WDR25: variants seen among roughly 807,000 people sequenced by gnomAD.
WDR25 encodes WD repeat-containing protein 25.
In WDR25, 35 loss-of-function variants were observed where a neutral mutation model predicts 47.7. That is an observed-to-expected ratio of 0.73 (90% confidence interval 0.56 to 0.97). WDR25 has a LOEUF of 0.97. Ranked by LOEUF, WDR25 falls within the 50% of genes least tolerant of loss-of-function variation. WDR25 has a pLI of 0.00. For missense variants in WDR25, 634 were observed against 704.7 expected (o/e 0.90, Z 1.14); for synonymous variants, 248 against 278.9 (o/e 0.89, Z 1.10).
At chr14:100,517,321 C>A (rs575640109) in intron 4 of WDR25, among the ~76,000 whole-genome samples, 1 of 151,970 alleles carries the variant, frequency 6.6e-6, no homozygotes, top group South Asian at 2.1e-4. Context: ...TCATGATCCA[C>A]CCGCCTCGGC....
rs916034093 is a variant in WDR25, at chr14:100,394,945, AC to A, written c.822+13200del. On this transcript the variant is annotated intron_variant, in intron 2 of 6. Transcript: ENST00000402312. ...GGCCACAGTGAGCCATGATTGTGCC[AC>A]TGCACTCAAGCCTGTATCTCAAAAA... 1.4e-4 allele frequency among the ~76,000 whole-genome samples: 22 copies of A among 152,210 alleles called. 1 individual carries two copies. Among genetic ancestry groups the A allele is most frequent in the Non-Finnish European group, 2.9e-4 (20 of 68,002 alleles).
At chr14:100,514,028 C>T (rs1219427081) in intron 4 of WDR25, among the ~76,000 whole-genome samples, 2 of 151,532 alleles carry the variant, frequency 1.3e-5, no homozygotes, top group Admixed American at 6.6e-5. Flanking sequence ...CTCCGCCTCC[C>T]GGGTTCACGC....
At chr14:100,511,878 T>A (rs192054603) in intron 4 of WDR25, among the ~76,000 whole-genome samples, 3 of 152,350 alleles carry the variant, frequency 2.0e-5, no homozygotes, top group Admixed American at 6.5e-5. Context: ...GTGGTTTTTT[T>A]ATTCTGTTAA....
intron 2 of WDR25, among the ~76,000 whole-genome samples, chr14:100,466,129 T>C (rs1170606437): frequency 6.6e-6 from 1 of 152,240 alleles, no homozygotes; most frequent in Non-Finnish European, 1.5e-5. Flanking sequence ...TATTCCACTT[T>C]GAAGTCTTCT....
chr14:100,490,311 G>T (rs929822770), intron 4 of WDR25, among the ~76,000 whole-genome samples: 1 of 152,250 alleles, frequency 6.6e-6, no homozygotes. Context: ...CAGGAAGGGC[G>T]CAAACTGTCG....
chr14:100,475,370 A>G (rs1899983208), intron 3 of WDR25, among the ~76,000 whole-genome samples: 1 of 152,328 alleles, frequency 6.6e-6, no homozygotes, highest in Non-Finnish European at 1.5e-5. Context: ...AAGATATGGA[A>G]GCCACCTCGG....
intron 2 of WDR25, among the ~76,000 whole-genome samples, chr14:100,419,780 G>A (rs979714022): frequency 6.6e-6 from 1 of 152,206 alleles, no homozygotes; most frequent in Non-Finnish European, 1.5e-5. Flanking sequence ...ATAGGATGAT[G>A]TTGTGAACAC....
intron 4 of WDR25, among the ~76,000 whole-genome samples, chr14:100,491,143 AC>A (rs1900549114): frequency 6.6e-6 from 1 of 152,174 alleles, no homozygotes; most frequent in Admixed American, 6.5e-5. Flanking sequence ...CACGCTGTGC[AC>A]GCTGTGTGCG....
intron 2 of WDR25, among the ~76,000 whole-genome samples, chr14:100,403,980 T>G (rs1206007015): frequency 1.3e-5 from 2 of 152,232 alleles, no homozygotes; most frequent in Non-Finnish European, 2.9e-5. Context: ...GCCTGCCTGA[T>G]GAAGTGCCTT....
chr14:100,416,183 G>A (rs374323238), intron 2 of WDR25, among the ~76,000 whole-genome samples: 14 of 152,220 alleles, frequency 9.2e-5, no homozygotes, highest in South Asian at 2.1e-4. Flanking sequence ...CTCATTCCTC[G>A]CTGCCGTTTG....
rs151193565 is a variant in WDR25 at position 100,427,366 on chromosome 14, G to A, written c.823-40655G>A. 5.6e-3 allele frequency among the ~76,000 whole-genome samples: 852 copies of A among 152,244 alleles called. 4 individuals are homozygous for A. Among genetic ancestry groups the A allele is most frequent in the Admixed American group, 0.011 (172 of 15,296 alleles). On this transcript the variant is annotated intron_variant, in intron 2 of 6. Transcript: ENST00000402312. Reference sequence around the variant, plus strand: ...AGCACTTATCTGTCCCGCTCCAAATGTATCCCGTTCACCATGGGGCAGGGG... The same window carrying A: ...AGCACTTATCTGTCCCGCTCCAAATATATCCCGTTCACCATGGGGCAGGGG...
chr14:100,433,523 A>T (rs1054599318), intron 2 of WDR25, among the ~76,000 whole-genome samples: 1 of 152,222 alleles, frequency 6.6e-6, no homozygotes, highest in South Asian at 2.1e-4. Flanking sequence ...GCACTTTGAG[A>T]CAACATAAGT....
At chr14:100,476,107 T>C (rs1178657258) in intron 3 of WDR25, among the ~76,000 whole-genome samples, 2 of 152,210 alleles carry the variant, frequency 1.3e-5, no homozygotes, top group Non-Finnish European at 2.9e-5. Context: ...CTACATACAT[T>C]ATTGCTAATT....
At position 100,448,666 on chromosome 14, in the gene WDR25, A is replaced by G. The variant is rs1595098612; in HGVS notation, c.823-19355A>G. Among the ~76,000 whole-genome samples the G allele has an allele frequency of 3.9e-5, 6 of 152,012 alleles. No individual in the cohort carries two copies. The South Asian group carries it at 1.2e-3, about 32-fold the overall frequency. Reference sequence around the variant, plus strand: ...TGTGGGCATGTGGCAGTCTAGATAAACCATAGCCTTGTGGTGGTGATGGGG... The same window carrying G: ...TGTGGGCATGTGGCAGTCTAGATAAGCCATAGCCTTGTGGTGGTGATGGGG... On this transcript the variant is annotated intron_variant, in intron 2 of 6. Coordinates refer to ENST00000402312, the MANE Select transcript of WDR25 (RefSeq NM_001161476.3).
chr14:100,391,333 TG>T, intron 2 of WDR25, among the ~76,000 whole-genome samples: 1 of 152,290 alleles, frequency 6.6e-6, no homozygotes, highest in East Asian at 1.9e-4. Context: ...CCATGATGAA[TG>T]TGTGCGTGGT....
chr14:100,453,204 T>G (rs1899095888), intron 2 of WDR25, among the ~76,000 whole-genome samples: 1 of 152,178 alleles, frequency 6.6e-6, no homozygotes, highest in South Asian at 2.1e-4. Flanking sequence ...TGTATTTCTC[T>G]GGAGTGCAGG....
At chr14:100,479,439 A>G (rs1421632182) in intron 3 of WDR25, among the ~76,000 whole-genome samples, 2 of 151,768 alleles carry the variant, frequency 1.3e-5, no homozygotes, top group African/African-American at 4.8e-5. Context: ...TAGGAATACC[A>G]GATTTCCAAT....
intron 2 of WDR25, among the ~76,000 whole-genome samples, chr14:100,456,068 G>C (rs1260495854): frequency 3.3e-5 from 5 of 152,172 alleles, no homozygotes; most frequent in African/African-American, 1.2e-4. Context: ...CTTCAAGAAT[G>C]AATGTGAAGC....
chr14:100,487,914 G>T (rs1341249093), intron 4 of WDR25: 1 of 152,210 alleles, frequency 6.6e-6, no homozygotes. Context: ...CAACAGAACT[G>T]AGGGGAGTGA....
Sources: allele counts gnomAD v4.1 joint callset (sites outside exome capture counted in the v4.1 genomes callset), GRCh38; gene constraint gnomAD v4.1.1; transcripts MANE v1.5; gene names NCBI Gene and HGNC (gene_info 2026-07-23, HGNC 2026-07-21).